Variants in TTLL9 observed in about 807,000 individuals in gnomAD.
TTLL9 encodes probable tubulin polyglutamylase TTLL9.
Under a neutral mutation model 65.6 loss-of-function variants are expected in TTLL9, and 47 were observed. The ratio of observed to expected loss-of-function variants is 0.72; its 90% CI spans 0.57 to 0.91. TTLL9 has a LOEUF of 0.91. TTLL9 is among the 40% of genes least tolerant of loss of function. The probability of loss-of-function intolerance (pLI) is 0.00; values close to 1 mark genes in which losing one functional copy is unlikely to be tolerated. For missense variants in TTLL9, 537 were observed against 568.8 expected, an observed-to-expected ratio of 0.94 and a Z score of 0.57; for synonymous variants, 179 against 204.8, an observed-to-expected ratio of 0.87 and a Z score of 1.07.
At chr20:31,935,809 C>G (rs1237054502) in intron 12 of TTLL9, among the ~76,000 whole-genome samples, 1 of 152,208 alleles carries the variant, frequency 6.6e-6, no homozygotes, top group African/African-American at 2.4e-5. Context: ...TAATCGCCAC[C>G]TGGCCTGCTG....
chr20:31,889,477 C>A (rs2123425090), intron 3 of TTLL9, among the ~76,000 whole-genome samples: 1 of 150,168 alleles, frequency 6.7e-6, no homozygotes, highest in East Asian at 2.0e-4. Context: ...GGCTGGAGTG[C>A]AGTGGCGTGA....
intron 3 of TTLL9, among the ~76,000 whole-genome samples, chr20:31,895,630 A>G (rs73102605): frequency 0.15 from 22,026 of 151,492 alleles, 1,926 homozygotes; most frequent in Non-Finnish European, 0.19. Flanking sequence ...TCTGCTTCCC[A>G]GGTTCCAACG....
intron 2 of TTLL9, chr20:31,884,023 G>A (rs1366613021): frequency 1.9e-6 from 1 of 516,552 alleles, no homozygotes; most frequent in South Asian, 3.4e-5. Context: ...ATTCACAGAT[G>A]ACATCATTGT....
In TTLL9 at chr20:31,943,584, T is replaced by A; in HGVS notation, c.*563T>A. The A allele has an allele frequency of 5.4e-6, 2 of 368,624 alleles. No individual in the cohort carries two copies. The highest frequency in any genetic ancestry group is 1.1e-5 in the Non-Finnish European group (2 of 187,594). The allele number at this position is 368,624 out of a possible 1,614,324, so 22.8% of individuals were successfully genotyped here. The stretch of plus-strand genomic sequence containing the variant: ...GGGGAAGTACTGAGCCCTAAACACA[T>A]CCTCTTCTCCTTGCATGTCAGGGGA... On this transcript the variant is annotated 3_prime_UTR_variant, in exon 15 of 15. Transcript: ENST00000535842.
Position 31,943,876 on chromosome 20 carries a change from C to T in TTLL9, c.*855C>T. 1 of 455,986 alleles carries T rather than the reference C, an allele frequency of 2.2e-6. No homozygotes were observed. The highest frequency in any genetic ancestry group is 4.4e-6 in the Non-Finnish European group (1 of 226,666). 28.2% of individuals were successfully genotyped at this position (455,986 alleles called of 1,614,324 possible). On this transcript the variant is annotated 3_prime_UTR_variant, in exon 15 of 15. Transcript: ENST00000535842. The stretch of plus-strand genomic sequence containing the variant: ...TAAAAATCTGCCTTTTCACATCTTA[C>T]ATTGCTAAGCTTCCTCTTGGTTTAA...
chr20:31,899,155 C>T (rs149867882), intron 4 of TTLL9, among the ~76,000 whole-genome samples: 6 of 152,384 alleles, frequency 3.9e-5, no homozygotes, highest in Non-Finnish European at 8.8e-5. Flanking sequence ...TTATCTGTCT[C>T]ATTGAAGTCC....
intron 2 of TTLL9, among the ~76,000 whole-genome samples, chr20:31,875,158 G>T (rs2063020390): frequency 1.3e-5 from 2 of 152,180 alleles, no homozygotes; most frequent in South Asian, 4.1e-4. Flanking sequence ...GTGGGATGTG[G>T]TTTCTGCCAC....
chr20:31,937,167 G>A (rs562469324), intron 12 of TTLL9, among the ~76,000 whole-genome samples: 1 of 151,410 alleles, frequency 6.6e-6, no homozygotes, highest in African/African-American at 2.4e-5. Context: ...CCAGCACTTC[G>A]GGAGGCTAAG....
chr20:31,888,209 C>A (rs897412113), intron 3 of TTLL9, among the ~76,000 whole-genome samples: 22 of 152,128 alleles, frequency 1.4e-4, no homozygotes, highest in African/African-American at 5.1e-4. Context: ...TTCTAAAGTC[C>A]CTCCTGGCTA....
At chr20:31,938,600 G>T (rs60484362) in intron 13 of TTLL9, among the ~76,000 whole-genome samples, 2 of 152,130 alleles carry the variant, frequency 1.3e-5, no homozygotes, top group African/African-American at 2.4e-5. Context: ...AATAGCGGCC[G>T]GGGGTGGTGG....
chr20:31,877,956 G>A (rs753028498), intron 2 of TTLL9, among the ~76,000 whole-genome samples: 2 of 152,092 alleles, frequency 1.3e-5, no homozygotes, highest in African/African-American at 2.4e-5. Flanking sequence ...TTCTCTATGA[G>A]AATATAAACT....
At chr20:31,882,128 C>T (rs1316613234) in intron 2 of TTLL9, among the ~76,000 whole-genome samples, 1 of 152,098 alleles carries the variant, frequency 6.6e-6, no homozygotes, top group African/African-American at 2.4e-5. Context: ...TGTACCCTCA[C>T]GAAAATATGC....
intron 2 of TTLL9, among the ~76,000 whole-genome samples, chr20:31,873,824 G>GAAAGAAAGAAAGAAAGAA (rs1555800221): frequency 0.014 from 598 of 44,224 alleles, 7 homozygotes; most frequent in African/African-American, 0.055. Context: ...AAGGAAGGAA[G>GAAAGAAAGAAAGAAAGAA]AAAGAAAGAA....
Position 31,923,089 on chromosome 20 carries a change from C to A in TTLL9, c.664+36C>A, listed in dbSNP as rs772465619. 1.4e-5 allele frequency: 21 copies of A among 1,501,610 alleles called. No individual in the cohort carries two copies. The South Asian group carries it at 2.3e-4, about 16-fold the overall frequency. 93.0% of individuals were successfully genotyped at this position (1,501,610 alleles called of 1,614,324 possible). ...TGTGTCTGCTCCTGCTCTTCCATTG[C>A]ATGGTCATCAAACAGTCAGTCAACA... On this transcript the variant is annotated intron_variant, in intron 8 of 14. Transcript: ENST00000535842.
chr20:31,896,167 G>A (rs891142596), intron 3 of TTLL9, among the ~76,000 whole-genome samples: 2 of 151,902 alleles, frequency 1.3e-5, no homozygotes, highest in Non-Finnish European at 2.9e-5. Context: ...TAGTAGAGAC[G>A]CGGTTTCACC....
At chr20:31,871,410 C>T (rs748915357) in intron 2 of TTLL9, among the ~76,000 whole-genome samples, 1 of 152,204 alleles carries the variant, frequency 6.6e-6, no homozygotes, top group Admixed American at 6.5e-5. Flanking sequence ...TGAGCCCTTC[C>T]TGGCTTCTAG....
intron 6 of TTLL9, among the ~76,000 whole-genome samples, chr20:31,914,279 T>C (rs924562591): frequency 6.6e-6 from 1 of 152,242 alleles, no homozygotes; most frequent in Non-Finnish European, 1.5e-5. Flanking sequence ...AGGGCAAGAC[T>C]TCTGTACTGT....
At chr20:31,913,282 A>G (rs2063684205) in intron 6 of TTLL9, among the ~76,000 whole-genome samples, 1 of 152,212 alleles carries the variant, frequency 6.6e-6, no homozygotes, top group African/African-American at 2.4e-5. Flanking sequence ...ATTAACCATC[A>G]CACCAGGTTC....
At chr20:31,875,658 A>G (rs2063028553) in intron 2 of TTLL9, among the ~76,000 whole-genome samples, 1 of 152,258 alleles carries the variant, frequency 6.6e-6, no homozygotes, top group Non-Finnish European at 1.5e-5. Context: ...TATGCATTCA[A>G]AAAGAATGCT....
Sources: gnomAD v4.1 joint callset for allele counts (sites outside exome capture counted in the v4.1 genomes callset) on GRCh38, gnomAD v4.1.1 for gene constraint, MANE v1.5 for transcripts, NCBI Gene and HGNC (gene_info 2026-07-23, HGNC 2026-07-21) for gene names.